PCDH15: variants seen among roughly 807,000 people sequenced by gnomAD.
PCDH15 encodes protocadherin related 15.
PCDH15 carries 129 observed loss-of-function variants against 178.5 expected under a neutral mutation model. The ratio of observed to expected loss-of-function variants is 0.72; its 90% CI spans 0.63 to 0.84. The LOEUF (loss-of-function observed/expected upper bound fraction) is 0.84. Ranked by LOEUF, PCDH15 falls within the 40% of genes least tolerant of loss-of-function variation. The pLI is 0.00. For synonymous variants in PCDH15, 800 were observed against 732.0 expected, an observed-to-expected ratio of 1.09 and a Z score of -1.50; for missense variants, 2,230 against 2,099.9, an observed-to-expected ratio of 1.06 and a Z score of -1.21.
intron 2 of PCDH15, among the ~76,000 whole-genome samples, chr10:55,511,917 T>A (rs938187797): frequency 2.0e-5 from 3 of 152,078 alleles, no homozygotes; most frequent in Non-Finnish European, 4.4e-5. Flanking sequence ...CCTATTTCAG[T>A]GACTATTTCA....
At chr10:55,320,651 C>G (rs755704932), upstream of PCDH15, among the ~76,000 whole-genome samples, 2 of 152,144 alleles carry the variant, frequency 1.3e-5, no homozygotes, top group South Asian at 2.1e-4. Context: ...CCACCCCCCC[C>G]AGAATTAGAG....
intron 3 of PCDH15, among the ~76,000 whole-genome samples, chr10:54,380,980 A>G (rs1001480849): frequency 1.1e-4 from 16 of 151,046 alleles, no homozygotes; most frequent in Non-Finnish European, 2.2e-4. Context: ...TCAACAAAAA[A>G]TCTTTCTACT....
At chr10:55,062,751 A>G (rs942891729) in intron 2 of PCDH15, among the ~76,000 whole-genome samples, 8 of 152,164 alleles carry the variant, frequency 5.3e-5, no homozygotes, top group Non-Finnish European at 1.5e-5. Context: ...GTGATAACGA[A>G]GTATTACTAT....
At chr10:54,521,433 C>T (rs1056827655) in intron 3 of PCDH15, among the ~76,000 whole-genome samples, 3 of 152,076 alleles carry the variant, frequency 2.0e-5, no homozygotes, top group East Asian at 1.9e-4. Flanking sequence ...AAACCAAGCA[C>T]ATTAATCAAT....
At chr10:55,385,428 C>A (rs1228125786) in intron 2 of PCDH15, among the ~76,000 whole-genome samples, 2 of 151,976 alleles carry the variant, frequency 1.3e-5, no homozygotes, top group Admixed American at 1.3e-4. Context: ...TACCATCTAA[C>A]TGCCACTATA....
intron 25 of PCDH15, among the ~76,000 whole-genome samples, chr10:53,918,276 G>C (rs2083696095): frequency 6.6e-6 from 1 of 152,020 alleles, no homozygotes; most frequent in Admixed American, 6.6e-5. Context: ...TTTTCATTCT[G>C]CTTTGTAGAT....
chr10:55,490,782 G>T (rs1326937225), intron 2 of PCDH15, among the ~76,000 whole-genome samples: 1 of 151,610 alleles, frequency 6.6e-6, no homozygotes, highest in African/African-American at 2.4e-5. Flanking sequence ...ATAACACAAT[G>T]GTTCCAAGAA....
chr10:55,074,195 T>C (rs1841824361), intron 2 of PCDH15, among the ~76,000 whole-genome samples: 1 of 152,182 alleles, frequency 6.6e-6, no homozygotes, highest in Non-Finnish European at 1.5e-5. Flanking sequence ...ATCTTTGTAA[T>C]AGCATGATTT....
intron 3 of PCDH15, among the ~76,000 whole-genome samples, chr10:54,806,865 A>G (rs979301007): frequency 6.6e-6 from 1 of 152,168 alleles, no homozygotes; most frequent in Admixed American, 6.5e-5. Flanking sequence ...CTTATGCCAC[A>G]TGACCTCTTA....
chr10:54,184,846 A>C (rs963753485), intron 12 of PCDH15, among the ~76,000 whole-genome samples: 1 of 152,168 alleles, frequency 6.6e-6, no homozygotes, highest in Non-Finnish European at 1.5e-5. Flanking sequence ...ACCTCAATTT[A>C]AGACAATTAT....
chr10:55,414,690 G>T (rs1838430973), intron 2 of PCDH15, among the ~76,000 whole-genome samples: 1 of 150,974 alleles, frequency 6.6e-6, no homozygotes, highest in African/African-American at 2.4e-5. Flanking sequence ...AATTATTGGT[G>T]TAAAGAAATG....
intron 26 of PCDH15, among the ~76,000 whole-genome samples, chr10:53,891,796 TAAA>T (rs113664953): frequency 6.2e-5 from 9 of 145,662 alleles, no homozygotes; most frequent in South Asian, 4.2e-4. Context: ...TTACTAAAAA[TAAA>T]AAAAAAAAAA....
At chr10:54,871,411 C>A (rs1954038014) in intron 3 of PCDH15, among the ~76,000 whole-genome samples, 1 of 137,794 alleles carries the variant, frequency 7.3e-6, no homozygotes, top group African/African-American at 2.7e-5. Flanking sequence ...TGGTCTAGTA[C>A]AGACGAAGTC....
At chr10:55,248,258 T>C (rs538800559) in intron 1 of PCDH15, among the ~76,000 whole-genome samples, 24 of 152,126 alleles carry the variant, frequency 1.6e-4, no homozygotes, top group African/African-American at 5.5e-4. Flanking sequence ...GATTTTATGA[T>C]GTTTAGATAT....
intron 23 of PCDH15, among the ~76,000 whole-genome samples, chr10:53,955,942 T>TC (rs1686987121): frequency 1.3e-5 from 2 of 152,152 alleles, no homozygotes; most frequent in Non-Finnish European, 2.9e-5. Flanking sequence ...TAAAGCAGCC[T>TC]GAAATGGCAT....
intron 2 of PCDH15, among the ~76,000 whole-genome samples, chr10:55,415,502 C>T (rs890734769): frequency 2.0e-5 from 3 of 151,650 alleles, no homozygotes; most frequent in Non-Finnish European, 4.4e-5. Context: ...ACACCTTTCT[C>T]CATTTCTGAT....
chr10:55,477,030 A>C (rs1448048321), intron 2 of PCDH15, among the ~76,000 whole-genome samples: 1 of 151,994 alleles, frequency 6.6e-6, no homozygotes, highest in Non-Finnish European at 1.5e-5. Context: ...GTTATATTTT[A>C]ATACAGTAAA....
chr10:55,450,114 A>G (rs2132079741), intron 2 of PCDH15, among the ~76,000 whole-genome samples: 1 of 152,322 alleles, frequency 6.6e-6, no homozygotes, highest in East Asian at 1.9e-4. Flanking sequence ...TATAATATCA[A>G]GCTACATGCA....
intron 2 of PCDH15, among the ~76,000 whole-genome samples, chr10:54,628,527 G>A (rs949088195): frequency 3.3e-5 from 5 of 152,058 alleles, no homozygotes; most frequent in Non-Finnish European, 5.9e-5. Context: ...TTGATAATAC[G>A]TGGGAAATAA....
Sources: allele counts gnomAD v4.1 joint callset (sites outside exome capture counted in the v4.1 genomes callset), GRCh38; gene constraint gnomAD v4.1.1; transcripts MANE v1.5; gene names NCBI Gene and HGNC (gene_info 2026-07-23, HGNC 2026-07-21).